LDHC: variants seen among roughly 807,000 people sequenced by gnomAD.
LDHC encodes lactate dehydrogenase C.
Under a neutral mutation model 30.2 loss-of-function variants are expected in LDHC, and 20 were observed. The ratio of observed to expected loss-of-function variants is 0.66; its 90% CI spans 0.47 to 0.96. LDHC has a LOEUF of 0.96. LDHC is among the 40% of genes least tolerant of loss of function. The pLI, the probability that LDHC is intolerant of heterozygous loss-of-function variation, is 0.00. For missense variants in LDHC, 362 were observed against 394.9 expected (o/e 0.92, Z 0.71); for synonymous variants, 139 against 132.7 (o/e 1.05, Z -0.32).
At chr11:18,439,667 A>AC (rs1176246159) in intron 6 of LDHC, among the ~76,000 whole-genome samples, 15 of 151,566 alleles carry the variant, frequency 9.9e-5, no homozygotes, top group African/African-American at 3.6e-4. Flanking sequence ...TGTATACTTA[A>AC]AACAACCCTA....
intron 7 of LDHC, among the ~76,000 whole-genome samples, chr11:18,448,575 G>C (rs1026942877): frequency 6.6e-6 from 1 of 152,120 alleles, no homozygotes; most frequent in Non-Finnish European, 1.5e-5. Context: ...GAGCCACCGC[G>C]CCCTGCTGAG....
At chr11:18,438,370 AC>A (rs1848395213) in intron 5 of LDHC, among the ~76,000 whole-genome samples, 157 bp from the exon 6 acceptor site, 1 of 152,020 alleles carries the variant, frequency 6.6e-6, no homozygotes, top group Admixed American at 6.6e-5. Context: ...GACACTTCCC[AC>A]CCCCAACACT....
intron 6 of LDHC, among the ~76,000 whole-genome samples, chr11:18,443,564 A>G (rs1402678909): frequency 6.7e-6 from 1 of 149,026 alleles, no homozygotes; most frequent in African/African-American, 2.5e-5. Flanking sequence ...GGCTCAAGCC[A>G]TCCTCACACC....
chr11:18,434,602 C>T lies in LDHC; in HGVS notation c.419-138C>T, dbSNP rs138233238. ...CCAGGGGATAACAGGCGTGAGCCAC[C>T]GCACCCAGCCAGTGATTTGCTTCAC... is the stretch of plus-strand genomic sequence containing the variant. On this transcript the variant is annotated intron_variant, in intron 4 of 7. Coordinates refer to ENST00000541669, the MANE Select transcript of LDHC (RefSeq NM_017448.5). 754 of 585,984 alleles carry T rather than the reference C, an allele frequency of 1.3e-3. 12 individuals carry two copies. Among genetic ancestry groups the T allele is most frequent in the African/African-American group, 0.013 (688 of 53,522 alleles). 36.3% of individuals were successfully genotyped at this position (585,984 alleles called of 1,614,324 possible). A position where few individuals can be genotyped will look rare whatever the true frequency, so the allele number is the denominator to read the frequency against.
At chr11:18,414,588 G>C (rs1490235549) in intron 2 of LDHC, among the ~76,000 whole-genome samples, 1 of 152,108 alleles carries the variant, frequency 6.6e-6, no homozygotes, top group Admixed American at 6.6e-5. Flanking sequence ...AGGACTTTGC[G>C]AGGCTGAGGT....
chr11:18,423,073 C>T (rs1848096694), intron 3 of LDHC, among the ~76,000 whole-genome samples: 2 of 151,404 alleles, frequency 1.3e-5, no homozygotes, highest in South Asian at 4.1e-4. Context: ...GCCTGTAATC[C>T]CAGCACTTTG....
chr11:18,426,293 G>A (rs1022957461), intron 3 of LDHC, among the ~76,000 whole-genome samples: 4 of 152,088 alleles, frequency 2.6e-5, no homozygotes, highest in South Asian at 2.1e-4. Flanking sequence ...TTGGGAGCCC[G>A]AGGCAGGTGG....
intron 5 of LDHC, 115 bp downstream of exon 5, chr11:18,435,028 G>T: frequency 1.6e-6 from 1 of 613,456 alleles, no homozygotes. Context: ...AATTTTTTTG[G>T]TATTTCCCTG....
intron 6 of LDHC, among the ~76,000 whole-genome samples, chr11:18,440,377 C>A (rs931948444): frequency 4.0e-5 from 6 of 151,838 alleles, no homozygotes; most frequent in Non-Finnish European, 7.4e-5. Context: ...AGAATTAGGG[C>A]AGAGACTAAA....
intron 3 of LDHC, among the ~76,000 whole-genome samples, chr11:18,415,909 G>T (rs1397468133): frequency 1.3e-5 from 2 of 152,160 alleles, no homozygotes; most frequent in Non-Finnish European, 2.9e-5. Context: ...TGGCCAGGCT[G>T]GTCTCGAACT....
At chr11:18,413,107 A>T (rs1866930239) in intron 2 of LDHC, among the ~76,000 whole-genome samples, 1 of 142,858 alleles carries the variant, frequency 7.0e-6, no homozygotes, top group Non-Finnish European at 1.5e-5. Flanking sequence ...TTTTTGAGAC[A>T]GGATTTGTCT....
At chr11:18,414,758 A>G (rs969165185) in intron 2 of LDHC, among the ~76,000 whole-genome samples, 1 of 152,126 alleles carries the variant, frequency 6.6e-6, no homozygotes, top group East Asian at 1.9e-4. Context: ...AACCTGGGAG[A>G]CGGAGGTTGC....
chr11:18,440,120 T>C (rs1848438143), intron 6 of LDHC, among the ~76,000 whole-genome samples: 1 of 135,390 alleles, frequency 7.4e-6, no homozygotes, highest in Non-Finnish European at 1.5e-5. Context: ...GCCAATATGG[T>C]GAAACTCCGT....
intron 3 of LDHC, among the ~76,000 whole-genome samples, chr11:18,423,926 T>C (rs528269965): frequency 1.3e-5 from 2 of 152,076 alleles, no homozygotes; most frequent in South Asian, 2.1e-4. Context: ...GGCTTATAAA[T>C]AGGGGGAGAA....
At chr11:18,430,481 G>A (rs1402165451) in intron 4 of LDHC, among the ~76,000 whole-genome samples, 1 of 151,830 alleles carries the variant, frequency 6.6e-6, no homozygotes, top group Non-Finnish European at 1.5e-5. Flanking sequence ...CCCACCTCAG[G>A]CTCCCCAGTA....
At chr11:18,429,116 C>CTTTTTTTTTTTTTTT (rs36038254) in intron 3 of LDHC, among the ~76,000 whole-genome samples, 4 of 93,924 alleles carry the variant, frequency 4.3e-5, no homozygotes, top group African/African-American at 4.1e-5. Context: ...TCATTTTGGT[C>CTTTTTTTTTTTTTTT]TTTTTTTTTT....
At chr11:18,435,938 T>C (rs1159647807) in intron 5 of LDHC, among the ~76,000 whole-genome samples, 1 of 152,242 alleles carries the variant, frequency 6.6e-6, no homozygotes, top group Non-Finnish European at 1.5e-5. Context: ...TAGAACTTTA[T>C]ACTTTTTACA....
intron 3 of LDHC, among the ~76,000 whole-genome samples, chr11:18,422,854 G>T (rs1358860742): frequency 2.0e-5 from 3 of 151,394 alleles, no homozygotes; most frequent in African/African-American, 7.3e-5. Flanking sequence ...GTGTTGATGG[G>T]TGCCTGAGTC....
intron 2 of LDHC, among the ~76,000 whole-genome samples, chr11:18,413,861 T>C (rs116849422): frequency 4.6e-5 from 7 of 152,264 alleles, no homozygotes; most frequent in Non-Finnish European, 1.0e-4. Flanking sequence ...CCGTACTCTG[T>C]CACATGTGAC....
Sources: allele counts gnomAD v4.1 joint callset (sites outside exome capture counted in the v4.1 genomes callset), GRCh38; gene constraint gnomAD v4.1.1; transcripts MANE v1.5; gene names NCBI Gene and HGNC (gene_info 2026-07-23, HGNC 2026-07-21).